Variants in SLC25A19 observed in about 807,000 individuals in gnomAD.
The protein encoded by SLC25A19 is solute carrier family 25 member 19.
SLC25A19 carries 18 observed loss-of-function variants against 27.9 expected under a neutral mutation model. The ratio of observed to expected loss-of-function variants is 0.64; its 90% CI spans 0.45 to 0.96. The LOEUF (loss-of-function observed/expected upper bound fraction) is 0.96, where lower values mean the gene tolerates loss of function less well. Among genes scored for constraint, SLC25A19 ranks in the 40% least tolerant of loss-of-function variants. The pLI, the probability that SLC25A19 is intolerant of heterozygous loss-of-function variation, is 0.00. For missense variants in SLC25A19, 371 were observed against 418.3 expected (o/e 0.89, Z 0.99); for synonymous variants, 169 against 167.1 (o/e 1.01, Z -0.09).
At chr17:75,277,214 G>A in intron 7 of SLC25A19, 139 bp downstream of exon 7, 1 of 1,095,086 alleles carries the variant, frequency 9.1e-7, no homozygotes, top group Non-Finnish European at 1.3e-6. Context: ...CATGCTTAGG[G>A]ATCTCAAGGA....
intron 7 of SLC25A19, among the ~76,000 whole-genome samples, chr17:75,275,696 T>G (rs991337473): frequency 6.6e-6 from 1 of 152,232 alleles, no homozygotes; most frequent in Non-Finnish European, 1.5e-5. Context: ...GGCTCATGCC[T>G]GTAATCCCAG....
intron 5 of SLC25A19, among the ~76,000 whole-genome samples, chr17:75,280,641 C>A (rs1330050309): frequency 6.6e-6 from 1 of 150,450 alleles, no homozygotes; most frequent in African/African-American, 2.4e-5. Context: ...GGCAAAACCC[C>A]GTCTCTACTA....
chr17:75,283,921 C>T (rs1366123107), intron 4 of SLC25A19, among the ~76,000 whole-genome samples: 1 of 152,004 alleles, frequency 6.6e-6, no homozygotes, highest in African/African-American at 2.4e-5. Context: ...CGAGACCAGC[C>T]GGGTCAACAT....
chr17:75,279,488 G>A (rs932759208), intron 5 of SLC25A19, among the ~76,000 whole-genome samples: 1 of 149,350 alleles, frequency 6.7e-6, no homozygotes, highest in African/African-American at 2.5e-5. Context: ...GTTGAAGCTA[G>A]AGGTAATATG....
intron 5 of SLC25A19, among the ~76,000 whole-genome samples, chr17:75,283,215 C>T (rs941927580): frequency 2.0e-4 from 30 of 147,792 alleles, no homozygotes; most frequent in East Asian, 8.3e-4. Flanking sequence ...GCAGGAGAAT[C>T]GCTTGAACTC....
At chr17:75,284,167 G>T (rs2145774883) in intron 4 of SLC25A19, among the ~76,000 whole-genome samples, 1 of 152,170 alleles carries the variant, frequency 6.6e-6, no homozygotes, top group South Asian at 2.1e-4. Flanking sequence ...CACTTTGGAA[G>T]GCCGAGGTGG....
At chr17:75,273,666 TG>T in intron 7 of SLC25A19, 27 bp from the exon 8 acceptor site, 1 of 1,606,540 alleles carries the variant, frequency 6.2e-7, no homozygotes, top group Admixed American at 1.7e-5. Flanking sequence ...GATGAAAATA[TG>T]GATGCCCGCT....
chr17:75,288,835 C>T (rs1378743266), intron 1 of SLC25A19, among the ~76,000 whole-genome samples: 1 of 152,104 alleles, frequency 6.6e-6, no homozygotes, highest in Non-Finnish European at 1.5e-5. Context: ...TCCCCAGGCG[C>T]CCATGAGGAA....
chr17:75,277,503 T>C lies in SLC25A19; in HGVS notation c.644-20A>G. On this transcript the variant is annotated intron_variant, in intron 6 of 7. Transcript: ENST00000416858. Reference sequence around the variant, plus strand: ...GGTTCTCTGAACCAGAGAAGTGGGATTGGGAGAATGGATGAGAGAAATGCA... The same window carrying C: ...GGTTCTCTGAACCAGAGAAGTGGGACTGGGAGAATGGATGAGAGAAATGCA... 6.2e-7 allele frequency: 1 copy of C among 1,613,422 alleles called. No individual in the cohort carries two copies. Among genetic ancestry groups the C allele is most frequent in the Non-Finnish European group, 8.5e-7 (1 of 1,179,686 alleles).
chr17:75,284,425 T>C (rs1278708949), intron 4 of SLC25A19, among the ~76,000 whole-genome samples: 6 of 151,964 alleles, frequency 3.9e-5, no homozygotes, highest in Admixed American at 3.9e-4. Context: ...AAAAGATACA[T>C]GAGAACAATG....
intron 3 of SLC25A19, 84 bp downstream of exon 3, chr17:75,286,549 A>G (rs2078186784): frequency 1.9e-6 from 3 of 1,613,946 alleles, no homozygotes; most frequent in Non-Finnish European, 2.5e-6. Context: ...TCATCTGGAT[A>G]GAATTCCAAG....
At chr17:75,276,305 A>G (rs2077885478) in intron 7 of SLC25A19, among the ~76,000 whole-genome samples, 1 of 152,156 alleles carries the variant, frequency 6.6e-6, no homozygotes, top group Non-Finnish European at 1.5e-5. Flanking sequence ...AAAAATACAT[A>G]TATATATAAC....
intron 5 of SLC25A19, among the ~76,000 whole-genome samples, chr17:75,280,575 G>A (rs540514804): frequency 1.3e-5 from 2 of 152,252 alleles, no homozygotes; most frequent in South Asian, 4.1e-4. Context: ...AGCACTTTGG[G>A]AGGCAGAGAT....
intron 6 of SLC25A19, 107 bp downstream of exon 6, chr17:75,278,045 C>T (rs2077936556): frequency 8.2e-7 from 1 of 1,219,996 alleles, no homozygotes; most frequent in East Asian, 2.3e-5. Context: ...TACAGAGACC[C>T]GCGGTCTTTG....
chr17:75,284,730 C>A (rs779688076), intron 4 of SLC25A19, among the ~76,000 whole-genome samples: 1 of 150,728 alleles, frequency 6.6e-6, no homozygotes, highest in Non-Finnish European at 1.5e-5. Context: ...GCAGCCTCAA[C>A]CTCCTGGGCT....
At chr17:75,276,928 C>T (rs1438803153) in intron 7 of SLC25A19, among the ~76,000 whole-genome samples, 3 of 150,926 alleles carry the variant, frequency 2.0e-5, no homozygotes, top group Admixed American at 6.6e-5. Flanking sequence ...CGTGATCCAC[C>T]CACCTTGGCC....
chr17:75,288,382 A>C (rs1598201139), intron 2 of SLC25A19, 120 bp downstream of exon 2: 1 of 152,038 alleles, frequency 6.6e-6, no homozygotes, highest in South Asian at 2.1e-4. Context: ...CTCAGCCCCT[A>C]CTCACTTTTT....
At position 75,283,536 on chromosome 17, in the gene SLC25A19, G is replaced by A. The variant is rs368336055; in HGVS notation, c.346C>T (p.Arg116Trp). Reference protein sequence around the residue: ...LVHRGSVYDAREFSVHFVCGG... With the variant: ...LVHRGSVYDAWEFSVHFVCGG... The stretch of plus-strand genomic sequence containing the variant: ...CATACAAAGTGCACTGAGAATTCCC[G>A]GGCGTCATACACGCTGCCTCTGTGG... Residue 116 changes from arginine to tryptophan, a missense_variant, in exon 5 of 8, where the codon CGG becomes TGG. Arg to Trp is a moderately radical substitution (Grantham distance 101). Transcript: ENST00000416858. 8.6e-5 allele frequency: 139 copies of A among 1,613,580 alleles called. No individual in the cohort carries two copies. Among genetic ancestry groups the A allele is most frequent in the African/African-American group, 1.1e-4 (8 of 74,894 alleles).
In SLC25A19 at chr17:75,286,752, C is replaced by G; in HGVS notation, c.13G>C (p.Asp5His). Residue 5 changes from aspartate to histidine, a missense_variant, in exon 3 of 8, where the codon GAC becomes CAC. By Grantham distance (81) the Asp-to-His change is moderately conservative (BLOSUM62 -1). Coordinates refer to ENST00000416858, the MANE Select transcript of SLC25A19 (RefSeq NM_001126121.2). The stretch of plus-strand genomic sequence containing the variant: ...TTATTCCTGCCATCTGGTTTGGGGT[C>G]ATAGCCAACCATCCCTGCCTCTGGC... The part of the protein sequence containing the change: MVGY[D>H]PKPDGRNNTK... 1.2e-6 allele frequency: 2 copies of G among 1,614,112 alleles called. No homozygotes were observed. Among genetic ancestry groups the G allele is most frequent in the Non-Finnish European group, 1.7e-6 (2 of 1,180,044 alleles).
Sources: allele counts gnomAD v4.1 joint callset (sites outside exome capture counted in the v4.1 genomes callset), GRCh38; gene constraint gnomAD v4.1.1; transcripts MANE v1.5; gene names NCBI Gene and HGNC (gene_info 2026-07-23, HGNC 2026-07-21).